RHOU: variants seen among roughly 807,000 people sequenced by gnomAD.
RHOU encodes ras homolog family member U, also known as rho-related GTP-binding protein RhoU.
A neutral mutation model predicts 12.6 loss-of-function variants in RHOU; 8 were observed. The observed-to-expected ratio is 0.64, with a 90% confidence interval of 0.37 to 1.15. The LOEUF is 1.15. RHOU is among the 50% of genes most tolerant of loss of function. The pLI, the probability that RHOU is intolerant of heterozygous loss-of-function variation, is 0.01. For synonymous variants in RHOU, 161 were observed against 147.4 expected (o/e 1.09, Z -0.67); for missense variants, 258 against 347.0 (o/e 0.74, Z 2.04).
chr1:228,743,792 G>A lies in RHOU; in HGVS notation c.*52G>A, dbSNP rs118018847. ...TTTTCAGATGAAATCGATATTAGAAGCTATATTAGCTGAAACAACTCCTTT... is the reference window on the plus strand; with the variant it reads ...TTTTCAGATGAAATCGATATTAGAAACTATATTAGCTGAAACAACTCCTTT... On this transcript the variant is annotated 3_prime_UTR_variant, in exon 3 of 3. Coordinates refer to ENST00000366691, the MANE Select transcript of RHOU (RefSeq NM_021205.6). This position sits in a 1 kb window ranked among gnomAD's most constrained non-coding sequence, Gnocchi z 5.1. 37 of 1,497,180 alleles carry A rather than the reference G, an allele frequency of 2.5e-5. No individual in the cohort carries two copies. The Admixed American group carries it at 6.9e-4, about 28-fold the overall frequency. The allele number at this position is 1,497,180 out of a possible 1,614,324, so 92.7% of individuals were successfully genotyped here. A position where few individuals can be genotyped will look rare whatever the true frequency, so the allele number is the denominator to read the frequency against.
chr1:228,666,376 T>A, the RHOU span, among the ~76,000 whole-genome samples: 6 of 152,242 alleles, frequency 3.9e-5, no homozygotes, highest in South Asian at 1.2e-3. Flanking sequence ...GGTGATCAGA[T>A]CATGGTAATC....
At chr1:228,656,125 C>G in the RHOU span, among the ~76,000 whole-genome samples, 1 of 152,128 alleles carries the variant, frequency 6.6e-6, no homozygotes, top group African/African-American at 2.4e-5. Flanking sequence ...ATATGCCTTC[C>G]ATATTCACTT....
chr1:228,728,702 T>C, the RHOU span, among the ~76,000 whole-genome samples: 2 of 152,198 alleles, frequency 1.3e-5, no homozygotes, highest in South Asian at 4.1e-4. Flanking sequence ...AAATATAGCA[T>C]GATTCACAAA....
intron 1 of RHOU, among the ~76,000 whole-genome samples, chr1:228,736,438 C>T (rs1391733485): frequency 1.3e-5 from 2 of 152,072 alleles, no homozygotes; most frequent in Non-Finnish European, 2.9e-5. Flanking sequence ...TTTACCTGAG[C>T]GTCGCTCCTT....
chr1:228,647,435 C>T, the RHOU span, among the ~76,000 whole-genome samples: 2 of 152,182 alleles, frequency 1.3e-5, 1 homozygote, highest in South Asian at 4.1e-4. Context: ...AAGTGCGGGG[C>T]AATAGGAATC....
the RHOU span, among the ~76,000 whole-genome samples, chr1:228,714,738 A>AT: frequency 4.7e-5 from 4 of 84,806 alleles, no homozygotes; most frequent in African/African-American, 1.1e-4. Flanking sequence ...TTTGTTAATT[A>AT]TCTTTTTTTT....
chr1:228,733,565 C>T (rs189450525), upstream of RHOU, among the ~76,000 whole-genome samples: 546 of 152,352 alleles, frequency 3.6e-3, 4 homozygotes, highest in African/African-American at 0.013. Flanking sequence ...CTTCAGCCCC[C>T]CAAAGTGTTG....
the RHOU span, among the ~76,000 whole-genome samples, chr1:228,647,610 G>T: frequency 1.3e-5 from 2 of 152,226 alleles, no homozygotes; most frequent in African/African-American, 4.8e-5. Context: ...TGCGCCGGAT[G>T]AGTGAATTGA....
chr1:228,654,082 G>A, the RHOU span, among the ~76,000 whole-genome samples: 8 of 149,998 alleles, frequency 5.3e-5, no homozygotes, highest in Admixed American at 5.3e-4. Flanking sequence ...GAATTGCTGT[G>A]TTCCTGAAGC....
At chr1:228,723,967 G>A in the RHOU span, among the ~76,000 whole-genome samples, 3 of 152,150 alleles carry the variant, frequency 2.0e-5, no homozygotes, top group African/African-American at 7.2e-5. Flanking sequence ...CACGGGACTT[G>A]CTCTCTTACA....
chr1:228,668,180 C>A, the RHOU span, among the ~76,000 whole-genome samples: 1 of 152,236 alleles, frequency 6.6e-6, no homozygotes, highest in Non-Finnish European at 1.5e-5. Context: ...GGATGCCACA[C>A]CCCAGCTCCA....
chr1:228,672,607 T>C, the RHOU span, among the ~76,000 whole-genome samples: 1 of 152,196 alleles, frequency 6.6e-6, no homozygotes, highest in East Asian at 1.9e-4. Context: ...TGAGATGTAT[T>C]CCCTCAAAGA....
At chr1:228,707,132 A>ATATATATG in the RHOU span, among the ~76,000 whole-genome samples, 116 of 120,360 alleles carry the variant, frequency 9.6e-4, 3 homozygotes, top group Middle Eastern at 4.1e-3. Context: ...ATATACATAT[A>ATATATATG]TATATATATA....
intron 2 of RHOU, among the ~76,000 whole-genome samples, chr1:228,740,429 A>G (rs944758429): frequency 1.3e-5 from 2 of 152,168 alleles, no homozygotes; most frequent in African/African-American, 2.4e-5. Context: ...AAGAAGAACC[A>G]TCTTCAAAAA....
chr1:228,682,612 C>G, the RHOU span, among the ~76,000 whole-genome samples: 174 of 151,978 alleles, frequency 1.1e-3, 1 homozygote, highest in East Asian at 9.9e-3. Context: ...GGGGAGATTG[C>G]AAAGAAACTT....
At position 228,737,559 on chromosome 1, in the gene RHOU, T is replaced by C; in HGVS notation, c.263-114T>C. On this transcript the variant is annotated intron_variant, in intron 1 of 2. Coordinates refer to ENST00000366691, the MANE Select transcript of RHOU (RefSeq NM_021205.6). This position sits in a 1 kb window ranked among gnomAD's most constrained non-coding sequence, Gnocchi z 4.1. ...CTAGTCTTTAATTCATTAGAGGACC[T>C]AAAATAGGAGCAAAGGGGTTTGGAG... is the stretch of plus-strand genomic sequence containing the variant. 9.4e-7 allele frequency: 1 copy of C among 1,067,094 alleles called. No homozygotes were observed. Among genetic ancestry groups the C allele is most frequent in the Non-Finnish European group, 1.4e-6 (1 of 698,952 alleles). The allele number at this position is 1,067,094 out of a possible 1,614,324, so 66.1% of individuals were successfully genotyped here. A position where few individuals can be genotyped will look rare whatever the true frequency, so the allele number is the denominator to read the frequency against.
At chr1:228,665,605 G>C in the RHOU span, among the ~76,000 whole-genome samples, 4 of 152,174 alleles carry the variant, frequency 2.6e-5, no homozygotes, top group African/African-American at 4.8e-5. Flanking sequence ...GAGTAGAGTG[G>C]GATGGGGAAC....
the RHOU span, among the ~76,000 whole-genome samples, chr1:228,649,229 C>T: frequency 1.3e-5 from 2 of 152,060 alleles, no homozygotes; most frequent in Non-Finnish European, 2.9e-5. Context: ...TGTTTACATT[C>T]CTCTATAATA....
the RHOU span, chr1:228,650,167 G>A: frequency 2.2e-6 from 1 of 456,464 alleles, no homozygotes; most frequent in East Asian, 6.9e-5. Context: ...CTGCGGTTAG[G>A]GCCTAGTTCC....
Sources: gnomAD v4.1 joint callset for allele counts (sites outside exome capture counted in the v4.1 genomes callset) on GRCh38, gnomAD v4.1.1 for gene constraint, Gnocchi (gnomAD v3.1) non-coding constraint, MANE v1.5 for transcripts, NCBI Gene and HGNC (gene_info 2026-07-23, HGNC 2026-07-21) for gene names.